The following NPAS3 variants were observed in gnomAD, a reference collection of about 807,000 sequenced individuals.
The protein encoded by NPAS3 is neuronal PAS domain protein 3.
In NPAS3, 14 loss-of-function variants were observed where a neutral mutation model predicts 73.1. The ratio of observed to expected loss-of-function variants is 0.19; its 90% CI spans 0.13 to 0.30. NPAS3 has a LOEUF of 0.30. NPAS3 is among the 10% of genes least tolerant of loss of function. NPAS3 has a pLI of 1.00. For synonymous variants in NPAS3, 620 were observed against 541.5 expected, an observed-to-expected ratio of 1.14 and a Z score of -2.01; for missense variants, 1,096 against 1,250.0, an observed-to-expected ratio of 0.88 and a Z score of 1.86.
chr14:33,316,908 TA>T lies in NPAS3; in HGVS notation c.386-50276del, dbSNP rs1166128856. On this transcript the variant is annotated intron_variant, in intron 3 of 11. Transcript: ENST00000356141. ...CTCAGAATTGTAAAGGACTGAGCTG[TA>T]ATGTGGTTATTCAAGCAAAGTATGG... 4.6e-5 allele frequency among the ~76,000 whole-genome samples: 7 copies of T among 152,198 alleles called. No individual in the cohort carries two copies. The East Asian group carries it at 1.4e-3, about 29-fold the overall frequency.
At chr14:33,441,322 C>G (rs774634007) in intron 4 of NPAS3, among the ~76,000 whole-genome samples, 15 of 152,130 alleles carry the variant, frequency 9.9e-5, no homozygotes, top group South Asian at 2.1e-4. Flanking sequence ...TGCAACATTC[C>G]TTATCCAAAC....
chr14:33,557,247 T>C (rs958756552), intron 4 of NPAS3, among the ~76,000 whole-genome samples: 13 of 152,166 alleles, frequency 8.5e-5, no homozygotes, highest in African/African-American at 3.1e-4. Flanking sequence ...TTGTCAAAGG[T>C]AAGGAGCCCA....
chr14:33,440,910 T>C (rs1326832791), intron 4 of NPAS3, among the ~76,000 whole-genome samples: 4 of 151,172 alleles, frequency 2.6e-5, no homozygotes, highest in African/African-American at 9.7e-5. Context: ...AAAAAAAGAC[T>C]GTATGAAGAG....
chr14:33,304,105 A>G (rs552374859), intron 3 of NPAS3, among the ~76,000 whole-genome samples: 1 of 152,130 alleles, frequency 6.6e-6, no homozygotes, highest in Non-Finnish European at 1.5e-5. Flanking sequence ...GACGGGGTTC[A>G]CTACCAAGTG....
chr14:33,493,228 GCT>G (rs1298635924), intron 4 of NPAS3, among the ~76,000 whole-genome samples: 1 of 151,562 alleles, frequency 6.6e-6, no homozygotes, highest in Non-Finnish European at 1.5e-5. Flanking sequence ...GCTTTCTTTT[GCT>G]CTCTCACACA....
chr14:33,498,692 GA>G, intron 4 of NPAS3, among the ~76,000 whole-genome samples: 1 of 128,310 alleles, frequency 7.8e-6, no homozygotes, highest in Non-Finnish European at 1.6e-5. Context: ...CCTGTTGGGG[GA>G]TGGGGGGGCT....
intron 6 of NPAS3, among the ~76,000 whole-genome samples, chr14:33,731,921 A>G (rs2061412612): frequency 6.6e-6 from 1 of 152,104 alleles, no homozygotes; most frequent in Non-Finnish European, 1.5e-5. Context: ...TTTATAATTC[A>G]TAGGGCAGAG....
intron 1 of NPAS3, among the ~76,000 whole-genome samples, chr14:33,018,948 C>A (rs1240916133): frequency 6.6e-6 from 1 of 150,578 alleles, no homozygotes; most frequent in Admixed American, 6.6e-5. Flanking sequence ...AAAAAAAAAA[C>A]CTTTCACATG....
In NPAS3 at chr14:33,171,974, G is replaced by A. The variant is rs150281289; in HGVS notation, c.141-43208G>A. ...GTCTCATAGAATAGGGAATCCTGAG[G>A]AGAGGGAGAGATGAGAGAGAAGAGC... is the stretch of plus-strand genomic sequence containing the variant. On this transcript the variant is annotated intron_variant, in intron 2 of 11. Transcript: ENST00000356141. 5.7e-3 allele frequency among the ~76,000 whole-genome samples: 873 copies of A among 152,230 alleles called. 4 individuals are homozygous for A. The highest frequency in any genetic ancestry group is 9.6e-3 in the Non-Finnish European group (654 of 68,018).
intron 5 of NPAS3, among the ~76,000 whole-genome samples, chr14:33,588,761 C>T (rs958104081): frequency 6.6e-6 from 1 of 152,138 alleles, no homozygotes; most frequent in Non-Finnish European, 1.5e-5. Context: ...TTACAGATGC[C>T]TACCACCATG....
intron 1 of NPAS3, among the ~76,000 whole-genome samples, chr14:33,001,015 T>C (rs1285405712): frequency 6.6e-6 from 1 of 152,158 alleles, no homozygotes; most frequent in Non-Finnish European, 1.5e-5. Flanking sequence ...TATACTAGAG[T>C]AGGCTAACTG....
At chr14:33,484,951 C>T (rs10136704) in intron 4 of NPAS3, among the ~76,000 whole-genome samples, 2,652 of 152,210 alleles carry the variant, frequency 0.017, 64 homozygotes, top group African/African-American at 0.06. Flanking sequence ...CCCAGCTCAT[C>T]GGGCACTTCA....
chr14:33,370,353 G>T (rs7151864), intron 4 of NPAS3, among the ~76,000 whole-genome samples: 20,916 of 152,106 alleles, frequency 0.14, 2,023 homozygotes, highest in East Asian at 0.35. Flanking sequence ...GAAAAGGGAA[G>T]AATATTCCAA....
At chr14:33,489,447 T>A (rs2051781539) in intron 4 of NPAS3, among the ~76,000 whole-genome samples, 1 of 152,126 alleles carries the variant, frequency 6.6e-6, no homozygotes, top group African/African-American at 2.4e-5. Context: ...TTTGATATTT[T>A]AAAAAAACAG....
intron 2 of NPAS3, among the ~76,000 whole-genome samples, chr14:33,067,413 A>G (rs997095528): frequency 6.6e-6 from 1 of 152,260 alleles, no homozygotes; most frequent in Non-Finnish European, 1.5e-5. Flanking sequence ...TGGGGATTTC[A>G]TCTGTCCTTA....
chr14:33,227,908 G>C (rs1351706439), intron 3 of NPAS3, among the ~76,000 whole-genome samples: 1 of 152,136 alleles, frequency 6.6e-6, no homozygotes, highest in Non-Finnish European at 1.5e-5. Flanking sequence ...TGGTAGTAAG[G>C]TTTTCTGGTC....
intron 3 of NPAS3, among the ~76,000 whole-genome samples, chr14:33,274,329 A>G (rs1360186966): frequency 1.3e-5 from 2 of 152,200 alleles, no homozygotes; most frequent in Non-Finnish European, 2.9e-5. Context: ...ATTAGGCTAA[A>G]TTGAATTTAA....
intron 2 of NPAS3, among the ~76,000 whole-genome samples, chr14:33,198,742 C>T (rs1199050098): frequency 6.6e-6 from 1 of 152,234 alleles, no homozygotes; most frequent in Non-Finnish European, 1.5e-5. Flanking sequence ...TTCGCCTGCA[C>T]TCCTGAGCCC....
intron 3 of NPAS3, among the ~76,000 whole-genome samples, chr14:33,229,948 T>G (rs144527530): frequency 1.3e-3 from 199 of 152,296 alleles, no homozygotes; most frequent in Admixed American, 4.6e-3. Context: ...AAAATTTCAT[T>G]CTGTGGAACG....
Sources: allele counts gnomAD v4.1 joint callset (sites outside exome capture counted in the v4.1 genomes callset), GRCh38; gene constraint gnomAD v4.1.1; transcripts MANE v1.5; gene names NCBI Gene and HGNC (gene_info 2026-07-23, HGNC 2026-07-21).